Variants in MAN1A1 observed in about 807,000 individuals in gnomAD.
MAN1A1 encodes the protein mannosyl-oligosaccharide 1,2-alpha-mannosidase IA.
MAN1A1 carries 29 observed loss-of-function variants against 70.8 expected under a neutral mutation model. The observed-to-expected ratio is 0.41, with a 90% CI of 0.31 to 0.56. The LOEUF (loss-of-function observed/expected upper bound fraction) is 0.56. MAN1A1 is among the 20% of genes least tolerant of loss of function. The probability of loss-of-function intolerance (pLI) is 0.29; values close to 1 mark genes in which losing one functional copy is unlikely to be tolerated. For synonymous variants in MAN1A1, 349 were observed against 330.1 expected, an observed-to-expected ratio of 1.06 and a Z score of -0.62; for missense variants, 747 against 841.3, an observed-to-expected ratio of 0.89 and a Z score of 1.39.
At chr6:119,290,825 T>A in intron 4 of MAN1A1, 62 bp from the exon 5 acceptor site, 1 of 965,962 alleles carries the variant, frequency 1.0e-6, no homozygotes, top group East Asian at 2.4e-5. Context: ...ATTATTGTGA[T>A]AAATTATACT....
intron 2 of MAN1A1, among the ~76,000 whole-genome samples, chr6:119,307,418 A>G (rs935736669): frequency 5.3e-5 from 8 of 152,228 alleles, no homozygotes; most frequent in African/African-American, 1.9e-4. Flanking sequence ...GCCTCACAGC[A>G]TACAGACAAA....
upstream of MAN1A1, among the ~76,000 whole-genome samples, chr6:119,350,226 G>C (rs1436616388): frequency 6.6e-6 from 1 of 152,198 alleles, no homozygotes; most frequent in Non-Finnish European, 1.5e-5. Context: ...GGGTCTGGCA[G>C]GGGGTCCTGG....
intron 2 of MAN1A1, among the ~76,000 whole-genome samples, chr6:119,310,547 G>A (rs1299539610): frequency 6.6e-6 from 1 of 152,184 alleles, no homozygotes; most frequent in East Asian, 1.9e-4. Flanking sequence ...TCCAACGTGG[G>A]GCGCCCTGGT....
intron 5 of MAN1A1, among the ~76,000 whole-genome samples, chr6:119,277,669 A>G (rs1047383735): frequency 6.6e-6 from 1 of 151,174 alleles, no homozygotes; most frequent in Non-Finnish European, 1.5e-5. Context: ...AAAAAAATAA[A>G]AAGTAGCCTG....
In MAN1A1 at chr6:119,234,772, C is replaced by T. The variant is rs143916673; in HGVS notation, c.992+13488G>A. Among the ~76,000 whole-genome samples, 4 of 152,256 alleles carry T rather than the reference C, an allele frequency of 2.6e-5. No individual in the cohort carries two copies. In the East Asian group the frequency reaches 7.7e-4, roughly 29 times the overall value. ...AAAAAATTTACATACGGGGATACCTCATTTTACTGCACTTTGCTTTATTGC... is the reference window on the plus strand; with the variant it reads ...AAAAAATTTACATACGGGGATACCTTATTTTACTGCACTTTGCTTTATTGC... On this transcript the variant is annotated intron_variant, in intron 6 of 12. Coordinates refer to ENST00000368468, the MANE Select transcript of MAN1A1 (RefSeq NM_005907.4).
intron 2 of MAN1A1, among the ~76,000 whole-genome samples, chr6:119,346,398 C>T (rs182411583): frequency 2.6e-4 from 40 of 152,252 alleles, no homozygotes; most frequent in African/African-American, 8.9e-4. Flanking sequence ...TCCCATTAGC[C>T]TTTGACTAAA....
intron 11 of MAN1A1, among the ~76,000 whole-genome samples, chr6:119,186,200 T>C (rs1258922792): frequency 1.3e-5 from 2 of 152,176 alleles, no homozygotes; most frequent in South Asian, 2.1e-4. Context: ...AGGTGATACA[T>C]TCCCCTTTGC....
chr6:119,210,447 A>G (rs1014426167), intron 6 of MAN1A1, among the ~76,000 whole-genome samples: 2 of 152,172 alleles, frequency 1.3e-5, no homozygotes, highest in East Asian at 3.9e-4. Context: ...TCAGTCCTAC[A>G]TGCTGCTTTA....
At chr6:119,256,853 A>G (rs1775474162) in intron 5 of MAN1A1, among the ~76,000 whole-genome samples, 1 of 152,156 alleles carries the variant, frequency 6.6e-6, no homozygotes, top group Admixed American at 6.5e-5. Context: ...ATATTTACCA[A>G]CGTGGTAAGG....
At chr6:119,331,584 T>TATATATATATATAC (rs1562245685) in intron 2 of MAN1A1, among the ~76,000 whole-genome samples, 1 of 145,722 alleles carries the variant, frequency 6.9e-6, no homozygotes, top group African/African-American at 2.5e-5. Flanking sequence ...TATATATATA[T>TATATATATATATAC]ATATATATAT....
intron 5 of MAN1A1, among the ~76,000 whole-genome samples, chr6:119,249,725 G>C (rs1328967553): frequency 6.6e-6 from 1 of 152,068 alleles, no homozygotes; most frequent in Non-Finnish European, 1.5e-5. Context: ...GAGACATCCA[G>C]GCACTTGGGC....
intron 11 of MAN1A1, among the ~76,000 whole-genome samples, chr6:119,184,089 C>T (rs896671873): frequency 3.9e-5 from 6 of 152,014 alleles, no homozygotes; most frequent in Non-Finnish European, 7.4e-5. Context: ...ACTTTAGGAA[C>T]GTGAAGCTGG....
intron 2 of MAN1A1, among the ~76,000 whole-genome samples, chr6:119,325,160 G>T (rs1773113430): frequency 6.6e-6 from 1 of 152,100 alleles, no homozygotes. Context: ...ACTCCACAAA[G>T]TTGGGCCTAT....
At chr6:119,264,397 G>A (rs1775692239) in intron 5 of MAN1A1, among the ~76,000 whole-genome samples, 1 of 152,166 alleles carries the variant, frequency 6.6e-6, no homozygotes, top group Non-Finnish European at 1.5e-5. Flanking sequence ...TTCCTGCAGT[G>A]AACAAAGCAA....
chr6:119,312,847 T>A (rs776245000), intron 2 of MAN1A1, among the ~76,000 whole-genome samples: 1 of 152,228 alleles, frequency 6.6e-6, no homozygotes, highest in Non-Finnish European at 1.5e-5. Flanking sequence ...CTCTCTATAC[T>A]TTCTGTTCAA....
rs1450784432 is a variant in MAN1A1, at chr6:119,179,838, A to G, written c.1943T>C (p.Val648Ala). The change falls in exon 13 of 13, where the codon GTT becomes GCT. Residue 648 changes from valine (V) to alanine (A), a missense_variant. Val to Ala is a moderately conservative substitution (Grantham distance 64). This residue lies in a region of MAN1A1 where 419 missense variants were observed against 548.2 expected (regional missense o/e 0.76). Transcript: ENST00000368468. ...LPILPKDKKE[V>A]EIREE ...GTCTTTTTATTCCTCTCTGATTTCA[A>G]CTTCCTTTTTATCTTTAGGGAGGAT... 6.2e-7 allele frequency: 1 copy of G among 1,612,628 alleles called. No homozygotes were observed. The highest frequency in any genetic ancestry group is 8.5e-7 in the Non-Finnish European group (1 of 1,178,844).
chr6:119,180,213 G>T, intron 12 of MAN1A1, 99 bp downstream of exon 12: 1 of 848,692 alleles, frequency 1.2e-6, no homozygotes, highest in Non-Finnish European at 1.9e-6. Flanking sequence ...TTCTGAATCA[G>T]GCATACTTGA....
intron 5 of MAN1A1, among the ~76,000 whole-genome samples, chr6:119,261,832 G>A (rs973426547): frequency 1.3e-5 from 2 of 152,164 alleles, no homozygotes; most frequent in Non-Finnish European, 2.9e-5. Flanking sequence ...GAAGGTTATT[G>A]TTCAGACAAG....
chr6:119,256,425 T>TC (rs1484834986), intron 5 of MAN1A1, among the ~76,000 whole-genome samples: 1 of 151,666 alleles, frequency 6.6e-6, no homozygotes, highest in East Asian at 1.9e-4. Flanking sequence ...TTTTTTTTTT[T>TC]TTCATGAGAG....
Sources: gnomAD v4.1 joint callset for allele counts (sites outside exome capture counted in the v4.1 genomes callset) on GRCh38, gnomAD v4.1.1 for gene constraint, gnomAD v4.1.1 regional missense constraint, MANE v1.5 for transcripts, NCBI Gene and HGNC (gene_info 2026-07-23, HGNC 2026-07-21) for gene names.